Variants in CDH10 observed in about 807,000 individuals in gnomAD.
CDH10 encodes cadherin 10, also known as cadherin-10.
Under a neutral mutation model 73.1 loss-of-function variants are expected in CDH10, and 30 were observed. The ratio of observed to expected loss-of-function variants is 0.41; its 90% CI spans 0.31 to 0.56. The LOEUF is 0.56. Ranked by LOEUF, CDH10 falls within the 20% of genes least tolerant of loss-of-function variation. The pLI is 0.27. For missense variants in CDH10, 815 were observed against 973.7 expected, an observed-to-expected ratio of 0.84 and a Z score of 2.17; for synonymous variants, 345 against 348.2, an observed-to-expected ratio of 0.99 and a Z score of 0.10.
intron 2 of CDH10, among the ~76,000 whole-genome samples, chr5:24,563,928 T>C (rs1247444633): frequency 2.0e-5 from 3 of 152,222 alleles, no homozygotes; most frequent in Non-Finnish European, 4.4e-5. Context: ...CTAATATTTA[T>C]TTTTATGTTC....
chr5:24,550,145 T>C (rs907110186), intron 2 of CDH10, among the ~76,000 whole-genome samples: 1 of 152,158 alleles, frequency 6.6e-6, no homozygotes, highest in Non-Finnish European at 1.5e-5. Context: ...TCTTTGGATA[T>C]AGAAATAAAG....
At chr5:24,556,572 A>G (rs1215149523) in intron 2 of CDH10, among the ~76,000 whole-genome samples, 1 of 151,764 alleles carries the variant, frequency 6.6e-6, no homozygotes, top group Non-Finnish European at 1.5e-5. Context: ...TTTAATTAAA[A>G]TCAGTTATAA....
chr5:24,627,848 T>C (rs1219097635), intron 1 of CDH10, among the ~76,000 whole-genome samples: 2 of 152,096 alleles, frequency 1.3e-5, no homozygotes, highest in Non-Finnish European at 2.9e-5. Context: ...GAACAGTATG[T>C]ACTGCACAGC....
chr5:24,547,626 G>A (rs1182253196), intron 2 of CDH10, among the ~76,000 whole-genome samples: 3 of 152,184 alleles, frequency 2.0e-5, no homozygotes, highest in Non-Finnish European at 4.4e-5. Flanking sequence ...AAGGCTGAAA[G>A]CTTCTGAAAG....
intron 2 of CDH10, among the ~76,000 whole-genome samples, chr5:24,583,016 A>C (rs1299945386): frequency 3.3e-5 from 5 of 152,128 alleles, no homozygotes; most frequent in Non-Finnish European, 5.9e-5. Flanking sequence ...CTAAAGATAT[A>C]ACTCTGTGTC....
chr5:24,593,434 G>T lies in CDH10; in HGVS notation c.57C>A (p.Phe19Leu). Residue 19 changes from phenylalanine (F) to leucine (L), a missense_variant, in exon 2 of 12, where the codon TTC becomes TTA. Transcript: ENST00000264463. ...LFLFWVCLPH[F>L]CSPEIMFRRT... ...TTCTGAACATTATTTCTGGAGAGCA[G>T]AAATGTGGCAGGCATACCCAGAATA... is the stretch of plus-strand genomic sequence containing the variant. 6.2e-7 allele frequency: 1 copy of T among 1,612,594 alleles called. No homozygotes were observed. Among genetic ancestry groups the T allele is most frequent in the Non-Finnish European group, 8.5e-7 (1 of 1,178,854 alleles).
chr5:24,622,397 C>T (rs1389467843), intron 1 of CDH10, among the ~76,000 whole-genome samples: 1 of 152,134 alleles, frequency 6.6e-6, no homozygotes, highest in African/African-American at 2.4e-5. Context: ...GGGACATTTT[C>T]CTGGCTAGCC....
intron 1 of CDH10, among the ~76,000 whole-genome samples, chr5:24,600,587 C>T (rs191251665): frequency 3.3e-5 from 5 of 151,858 alleles, no homozygotes; most frequent in African/African-American, 1.2e-4. Flanking sequence ...AAGAGCAGAG[C>T]GTCGGTGTGC....
chr5:24,644,256 A>G (rs937280887), intron 1 of CDH10, among the ~76,000 whole-genome samples: 1 of 152,178 alleles, frequency 6.6e-6, no homozygotes, highest in Admixed American at 6.5e-5. Context: ...ATAAAAATGA[A>G]CAAGTCTGGG....
chr5:24,545,307 C>T (rs540422703), intron 2 of CDH10, among the ~76,000 whole-genome samples: 61 of 152,258 alleles, frequency 4.0e-4, no homozygotes, highest in Middle Eastern at 3.4e-3. Context: ...GATATATGTA[C>T]ACAGGTGTCT....
At chr5:24,568,241 G>A (rs1170324276) in intron 2 of CDH10, among the ~76,000 whole-genome samples, 1 of 151,754 alleles carries the variant, frequency 6.6e-6, no homozygotes, top group Admixed American at 6.6e-5. Context: ...AGAAATATTG[G>A]GCATGGAGAA....
chr5:24,605,717 T>C (rs1008556752), intron 1 of CDH10, among the ~76,000 whole-genome samples: 2 of 152,236 alleles, frequency 1.3e-5, no homozygotes, highest in African/African-American at 4.8e-5. Flanking sequence ...CCCTAGGTAC[T>C]TGTTGAGGAA....
At chr5:24,537,984 T>A (rs749022716) in intron 2 of CDH10, among the ~76,000 whole-genome samples, 1 of 152,112 alleles carries the variant, frequency 6.6e-6, no homozygotes, top group Non-Finnish European at 1.5e-5. Flanking sequence ...ATATAAGATA[T>A]CAGTCTTGAT....
intron 8 of CDH10, among the ~76,000 whole-genome samples, chr5:24,503,338 C>T (rs909524241): frequency 6.6e-6 from 1 of 152,200 alleles, no homozygotes; most frequent in Admixed American, 6.5e-5. Context: ...AAGAGTTGCT[C>T]TACACCACAT....
chr5:24,523,617 G>A (rs1857844), intron 5 of CDH10, among the ~76,000 whole-genome samples: 73,532 of 151,908 alleles, frequency 0.48, 17,899 homozygotes, highest in East Asian at 0.58. Flanking sequence ...CTTTGTGATT[G>A]TTTGATTTGT....
At chr5:24,492,588 T>C (rs1388287331) in intron 10 of CDH10, among the ~76,000 whole-genome samples, 2 of 152,176 alleles carry the variant, frequency 1.3e-5, no homozygotes, top group African/African-American at 4.8e-5. Context: ...GACACAATCA[T>C]TTTTTAACAT....
chr5:24,616,950 A>G (rs1747150207), intron 1 of CDH10, among the ~76,000 whole-genome samples: 1 of 152,184 alleles, frequency 6.6e-6, no homozygotes, highest in African/African-American at 2.4e-5. Context: ...CAAATCTCTC[A>G]TTGTTATAAT....
chr5:24,553,215 T>A (rs1370824321), intron 2 of CDH10, among the ~76,000 whole-genome samples: 1 of 114,848 alleles, frequency 8.7e-6, no homozygotes, highest in Non-Finnish European at 1.9e-5. Context: ...CGGATTTATT[T>A]CTTTCAGAAG....
chr5:24,560,587 T>C (rs1174741072), intron 2 of CDH10, among the ~76,000 whole-genome samples: 1 of 152,076 alleles, frequency 6.6e-6, no homozygotes, highest in Non-Finnish European at 1.5e-5. Flanking sequence ...ATTTTGATTC[T>C]CAAATTACAG....
Sources: allele counts gnomAD v4.1 joint callset (sites outside exome capture counted in the v4.1 genomes callset), GRCh38; gene constraint gnomAD v4.1.1; transcripts MANE v1.5; gene names NCBI Gene and HGNC (gene_info 2026-07-23, HGNC 2026-07-21).